Variants in HS3ST3B1 observed in about 807,000 individuals in gnomAD.
HS3ST3B1 encodes heparan sulfate-glucosamine 3-sulfotransferase 3B1.
A neutral mutation model predicts 21.3 loss-of-function variants in HS3ST3B1; 13 were observed. That is an observed-to-expected ratio of 0.61 (90% CI 0.40 to 0.97). The LOEUF (loss-of-function observed/expected upper bound fraction) is 0.97, where lower values mean the gene tolerates loss of function less well. HS3ST3B1 is among the 50% of genes least tolerant of loss of function. The pLI, the probability that HS3ST3B1 is intolerant of heterozygous loss-of-function variation, is 0.00. For missense variants in HS3ST3B1, 459 were observed against 554.8 expected, an observed-to-expected ratio of 0.83 and a Z score of 1.73; for synonymous variants, 234 against 254.8, an observed-to-expected ratio of 0.92 and a Z score of 0.78.
In HS3ST3B1 at chr17:14,313,106, G is replaced by GTATATATATACATATATATA. The variant is rs1327746485; in HGVS notation, c.554+11035_554+11036insATATATATACATATATATAT. Among the ~76,000 whole-genome samples the GTATATATATACATATATATA allele has an allele frequency of 1.3e-3, 119 of 92,570 alleles. 3 individuals carry two copies. The highest frequency in any genetic ancestry group is 1.8e-3 in the Non-Finnish European group (88 of 48,102). 60.7% of individuals were successfully genotyped at this position (92,570 alleles called of 152,430 possible). ...GTGTGTGTGTGTGGTGTGTGTGTGT[G>GTATATATATACATATATATA]TGTATATATATATATATGTGTGTGT... On this transcript the variant is annotated intron_variant, in intron 1 of 1. Coordinates refer to ENST00000360954, the MANE Select transcript of HS3ST3B1 (RefSeq NM_006041.3).
intron 1 of HS3ST3B1, among the ~76,000 whole-genome samples, chr17:14,340,885 G>A (rs1910357868): frequency 6.6e-6 from 1 of 152,130 alleles, no homozygotes; most frequent in African/African-American, 2.4e-5. Flanking sequence ...GCCCGGCTGA[G>A]TAATTTTTTT....
rs965689206 is a variant in HS3ST3B1, at chr17:14,349,340, G to A, written c.*3694G>A. ...TTTTACACAGAGAAAGATGTTTCTA[G>A]GCAAGTGAAATTCTGGTAATTCATA... On this transcript the variant is annotated 3_prime_UTR_variant, in exon 2 of 2. Coordinates refer to ENST00000360954, the MANE Select transcript of HS3ST3B1 (RefSeq NM_006041.3). 1.3e-5 allele frequency: 2 copies of A among 152,140 alleles called. No homozygotes were observed. Among genetic ancestry groups the A allele is most frequent in the African/African-American group, 4.8e-5 (2 of 41,432 alleles). The allele number at this position is 152,140 out of a possible 1,614,324, so 9.4% of individuals were successfully genotyped here.
intron 1 of HS3ST3B1, among the ~76,000 whole-genome samples, chr17:14,309,908 C>T (rs994163601): frequency 3.3e-5 from 5 of 152,042 alleles, no homozygotes; most frequent in Admixed American, 2.6e-4. Flanking sequence ...GTCTGGGAAG[C>T]GGGAGGGGTT....
chr17:14,345,303 C>T lies in HS3ST3B1; in HGVS notation c.830C>T (p.Ala277Val). Residue 277 changes from alanine to valine, a missense_variant, in exon 2 of 2, where the codon GCC (alanine) becomes GTC (valine). Ala to Val is a moderately conservative substitution (Grantham distance 64, BLOSUM62 0). Transcript: ENST00000360954. Reference sequence around the variant, plus strand: ...AGCGCCATCCAGATCGGCATCTACGCCAAGCACCTGGAGCACTGGCTGCGC... The same window carrying T: ...AGCGCCATCCAGATCGGCATCTACGTCAAGCACCTGGAGCACTGGCTGCGC... ...SWSAIQIGIY[A>V]KHLEHWLRHF... 9.0e-7 allele frequency: 1 copy of T among 1,116,236 alleles called. No homozygotes were observed. The highest frequency in any genetic ancestry group is 2.6e-5 in the East Asian group (1 of 38,878). 69.1% of individuals were successfully genotyped at this position (1,116,236 alleles called of 1,614,324 possible).
chr17:14,311,747 T>C (rs1909311460), intron 1 of HS3ST3B1, among the ~76,000 whole-genome samples: 1 of 152,136 alleles, frequency 6.6e-6, no homozygotes. Flanking sequence ...AGCCATGAAC[T>C]TGTCCCTGAG....
chr17:14,308,714 A>G (rs1255919674), intron 1 of HS3ST3B1, among the ~76,000 whole-genome samples: 8 of 152,232 alleles, frequency 5.3e-5, no homozygotes, highest in Admixed American at 5.2e-4. Flanking sequence ...CTGGTTTAAC[A>G]TCAAGTTGAT....
At chr17:14,331,308 C>T (rs1170127602) in intron 1 of HS3ST3B1, among the ~76,000 whole-genome samples, 4 of 151,992 alleles carry the variant, frequency 2.6e-5, no homozygotes, top group Non-Finnish European at 5.9e-5. Context: ...ACCCCCACCC[C>T]CAGCCCCTTC....
At chr17:14,318,867 A>G (rs190121412) in intron 1 of HS3ST3B1, among the ~76,000 whole-genome samples, 53 of 152,352 alleles carry the variant, frequency 3.5e-4, no homozygotes, top group African/African-American at 1.3e-3. Context: ...TTCTGCGAAA[A>G]GAGCATTTGC....
intron 1 of HS3ST3B1, among the ~76,000 whole-genome samples, chr17:14,306,522 T>A (rs745618420): frequency 6.6e-6 from 1 of 152,356 alleles, no homozygotes; most frequent in African/African-American, 2.4e-5. Flanking sequence ...GCTAACACTT[T>A]TGGCAGATTC....
In HS3ST3B1 at chr17:14,341,031, C is replaced by A. The variant is rs979746733; in HGVS notation, c.555-3997C>A. On this transcript the variant is annotated intron_variant, in intron 1 of 1. Coordinates refer to ENST00000360954, the MANE Select transcript of HS3ST3B1 (RefSeq NM_006041.3). Reference sequence around the variant, plus strand: ...CACATGTGGACAAACACCAGACTGTCCTGGGGAGAGGGGCCCTCATATGGG... The same window carrying A: ...CACATGTGGACAAACACCAGACTGTACTGGGGAGAGGGGCCCTCATATGGG... Among the ~76,000 whole-genome samples, 8 of 152,192 alleles carry A rather than the reference C, an allele frequency of 5.3e-5. No homozygotes were observed. The East Asian group carries it at 1.5e-3, about 29-fold the overall frequency.
At chr17:14,321,125 G>A (rs969940593) in intron 1 of HS3ST3B1, among the ~76,000 whole-genome samples, 2 of 152,208 alleles carry the variant, frequency 1.3e-5, no homozygotes, top group Admixed American at 6.5e-5. Flanking sequence ...TGGAGTTTGG[G>A]CAAGCATTTG....
intron 1 of HS3ST3B1, among the ~76,000 whole-genome samples, chr17:14,323,053 A>G (rs2005767): frequency 0.99 from 150,408 of 152,008 alleles, 74,439 homozygotes; most frequent in Middle Eastern, 1. Context: ...TTACAGGCAC[A>G]TGCCACCATG....
chr17:14,301,860 G>C lies in HS3ST3B1; in HGVS notation c.342G>C (p.Gln114His). 1 of 1,600,138 alleles carries C rather than the reference G, an allele frequency of 6.2e-7. No homozygotes were observed. Among genetic ancestry groups the C allele is most frequent in the Non-Finnish European group, 8.5e-7 (1 of 1,174,644 alleles). Residue 114 changes from glutamine to histidine, a missense_variant, in exon 1 of 2, where the codon CAG becomes CAC. Gln to His is a conservative substitution (Grantham distance 24, BLOSUM62 0). Coordinates refer to ENST00000360954, the MANE Select transcript of HS3ST3B1 (RefSeq NM_006041.3). ...AGGGCGCTGCGAGCCCGGAGGAGCA[G>C]AGTCCCGAGGTGCCGGACTCCCCAA... ...MAEGAASPEEQSPEVPDSPSP... is the reference protein window; with the variant it reads ...MAEGAASPEEHSPEVPDSPSP...
chr17:14,305,808 C>G (rs1190156890), intron 1 of HS3ST3B1, among the ~76,000 whole-genome samples: 2 of 152,118 alleles, frequency 1.3e-5, no homozygotes, highest in African/African-American at 4.8e-5. Flanking sequence ...AATGTTTTCC[C>G]TATGTTCCAG....
At chr17:14,309,642 T>C (rs1909244583) in intron 1 of HS3ST3B1, among the ~76,000 whole-genome samples, 1 of 152,216 alleles carries the variant, frequency 6.6e-6, no homozygotes, top group Non-Finnish European at 1.5e-5. Context: ...CTGCCTTCGC[T>C]TTCCAAGTCG....
chr17:14,324,445 C>G (rs1214386615), intron 1 of HS3ST3B1, among the ~76,000 whole-genome samples: 1 of 152,098 alleles, frequency 6.6e-6, no homozygotes, highest in Non-Finnish European at 1.5e-5. Flanking sequence ...AGATAAGGGT[C>G]TTGCCATGTG....
Position 14,301,809 on chromosome 17 carries a change from A to G in HS3ST3B1, c.291A>G (p.Pro97=). ...RLPFRAPPAT[P]LASGKEMAEG... is the part of the protein sequence containing the mutation. ...CGTTCCGGGCGCCGCCAGCCACCCC[A>G]CTGGCTTCAGGCAAGGAGATGGCCG... The change falls in exon 1 of 2, where the codon CCA becomes CCG. Residue 97 remains proline, a synonymous_variant. Coordinates refer to ENST00000360954, the MANE Select transcript of HS3ST3B1 (RefSeq NM_006041.3). 1.3e-6 allele frequency: 2 copies of G among 1,559,758 alleles called. No homozygotes were observed. The highest frequency in any genetic ancestry group is 8.7e-7 in the Non-Finnish European group (1 of 1,152,428).
intron 1 of HS3ST3B1, among the ~76,000 whole-genome samples, chr17:14,331,045 T>C (rs1909994922): frequency 6.6e-6 from 1 of 152,202 alleles, no homozygotes; most frequent in Non-Finnish European, 1.5e-5. Flanking sequence ...CCCCTGCCCA[T>C]TGGCAGCACT....
At chr17:14,302,192 G>C (rs1479731311) in intron 1 of HS3ST3B1, 120 bp downstream of exon 1, 18 of 1,196,800 alleles carry the variant, frequency 1.5e-5, no homozygotes, top group Non-Finnish European at 2.1e-5. Flanking sequence ...GGGTAGGGCA[G>C]GGAAACTACG....
Sources: gnomAD v4.1 joint callset for allele counts (sites outside exome capture counted in the v4.1 genomes callset) on GRCh38, gnomAD v4.1.1 for gene constraint, MANE v1.5 for transcripts, NCBI Gene and HGNC (gene_info 2026-07-23, HGNC 2026-07-21) for gene names.